The following CNTN4 variants were observed in gnomAD, a reference collection of about 807,000 sequenced individuals.
CNTN4 encodes the protein contactin-4.
Under a neutral mutation model 122.5 loss-of-function variants are expected in CNTN4, and 77 were observed. The ratio of observed to expected loss-of-function variants is 0.63; its 90% CI spans 0.52 to 0.76. The LOEUF is 0.76. CNTN4 is among the 30% of genes least tolerant of loss of function. The pLI, the probability that CNTN4 is intolerant of heterozygous loss-of-function variation, is 0.00. For synonymous variants in CNTN4, 512 were observed against 447.0 expected, an observed-to-expected ratio of 1.15 and a Z score of -1.83; for missense variants, 1,256 against 1,259.1, an observed-to-expected ratio of 1.00 and a Z score of 0.04.
intron 3 of CNTN4, among the ~76,000 whole-genome samples, chr3:2,347,077 T>TAAATA (rs2044423172): frequency 6.6e-6 from 1 of 152,226 alleles, no homozygotes; most frequent in Admixed American, 6.5e-5. Flanking sequence ...TTTTTAAATT[T>TAAATA]GTTGTTCATC....
At chr3:2,187,464 G>A (rs1246061955) in intron 2 of CNTN4, among the ~76,000 whole-genome samples, 2 of 152,186 alleles carry the variant, frequency 1.3e-5, no homozygotes, top group South Asian at 4.1e-4. Context: ...TCACCTCATA[G>A]CTCTGCTCTC....
At chr3:2,105,808 G>T (rs1366405122) in intron 2 of CNTN4, among the ~76,000 whole-genome samples, 1 of 152,088 alleles carries the variant, frequency 6.6e-6, no homozygotes, top group Non-Finnish European at 1.5e-5. Context: ...ACCCATTTTG[G>T]CATTAGCTCA....
chr3:2,615,833 C>G (rs992595789), intron 4 of CNTN4, among the ~76,000 whole-genome samples: 4 of 152,202 alleles, frequency 2.6e-5, no homozygotes, highest in African/African-American at 9.6e-5. Flanking sequence ...ACTGATACAT[C>G]TTTCCTTCTA....
intron 3 of CNTN4, among the ~76,000 whole-genome samples, chr3:2,540,868 G>A (rs1325757940): frequency 6.6e-6 from 1 of 152,130 alleles, no homozygotes; most frequent in African/African-American, 2.4e-5. Context: ...GATCAGATAG[G>A]AAGAAGGGAA....
chr3:2,426,979 T>C (rs945236918), intron 3 of CNTN4, among the ~76,000 whole-genome samples: 30 of 152,208 alleles, frequency 2.0e-4, no homozygotes, highest in Non-Finnish European at 3.4e-4. Flanking sequence ...TTATTAGTCT[T>C]GCTAGCGGTC....
At chr3:2,203,156 A>C (rs1012288472) in intron 2 of CNTN4, among the ~76,000 whole-genome samples, 4 of 152,096 alleles carry the variant, frequency 2.6e-5, no homozygotes, top group South Asian at 2.1e-4. Context: ...TAATATTAAA[A>C]TATATACATA....
intron 4 of CNTN4, among the ~76,000 whole-genome samples, chr3:2,689,966 C>T (rs1483464617): frequency 6.6e-6 from 1 of 152,082 alleles, no homozygotes; most frequent in African/African-American, 2.4e-5. Flanking sequence ...TGCCCAAAAA[C>T]TAAGATCATA....
chr3:2,667,417 T>C (rs982012753), intron 4 of CNTN4, among the ~76,000 whole-genome samples: 2 of 152,218 alleles, frequency 1.3e-5, no homozygotes, highest in African/African-American at 2.4e-5. Context: ...TCATATCCTT[T>C]GCCCACTTGT....
At chr3:2,741,643 T>C (rs2089463168) in intron 5 of CNTN4, among the ~76,000 whole-genome samples, 1 of 152,230 alleles carries the variant, frequency 6.6e-6, no homozygotes. Flanking sequence ...TAGTAAAGAA[T>C]GCAGGAAGCA....
At chr3:2,238,744 T>C (rs1489821989) in intron 2 of CNTN4, 1 of 79,548 alleles carries the variant, frequency 1.3e-5, no homozygotes, top group Middle Eastern at 7.5e-3. Context: ...TGTTTTTTTT[T>C]TGAGACGGAG....
rs9822479 is a variant in CNTN4 at position 2,518,331 on chromosome 3, T to A, written c.-88-53085T>A. Among the ~76,000 whole-genome samples, 765 of 152,142 alleles carry A rather than the reference T, an allele frequency of 5.0e-3. 8 individuals are homozygous for A. Among genetic ancestry groups the A allele is most frequent in the African/African-American group, 0.017 (721 of 41,508 alleles). ...AAATGATACGTTGATTATAATAGGA[T>A]TTTTTTTCCAAATCATTTTCGTAAT... is the stretch of plus-strand genomic sequence containing the variant. On this transcript the variant is annotated intron_variant, in intron 3 of 24. Coordinates refer to ENST00000418658, the MANE Select transcript of CNTN4 (RefSeq NM_175607.3).
intron 3 of CNTN4, among the ~76,000 whole-genome samples, chr3:2,549,309 C>G (rs2078382046): frequency 6.6e-6 from 1 of 152,084 alleles, no homozygotes; most frequent in Non-Finnish European, 1.5e-5. Context: ...CAGCTTTTGC[C>G]CATTCAGTAT....
intron 2 of CNTN4, among the ~76,000 whole-genome samples, chr3:2,148,123 C>A (rs975107446): frequency 6.6e-6 from 1 of 152,102 alleles, no homozygotes; most frequent in African/African-American, 2.4e-5. Context: ...GGGACTTTAT[C>A]GCTAATGATA....
intron 13 of CNTN4, among the ~76,000 whole-genome samples, chr3:2,931,524 G>A (rs2094520376): frequency 1.3e-5 from 2 of 152,150 alleles, no homozygotes; most frequent in South Asian, 4.1e-4. Flanking sequence ...ACTTTTCCCA[G>A]TAACATACTT....
At chr3:2,797,433 A>G (rs917543925) in intron 6 of CNTN4, among the ~76,000 whole-genome samples, 1 of 152,168 alleles carries the variant, frequency 6.6e-6, no homozygotes, top group African/African-American at 2.4e-5. Flanking sequence ...CCCTGTCTCT[A>G]CTAAAAATAC....
At chr3:2,811,833 T>G (rs2092620081) in intron 6 of CNTN4, among the ~76,000 whole-genome samples, 1 of 152,118 alleles carries the variant, frequency 6.6e-6, no homozygotes, top group Non-Finnish European at 1.5e-5. Context: ...ACCCAGCTAA[T>G]TTTTGTATTT....
chr3:2,552,960 A>C (rs2078573831), intron 3 of CNTN4, among the ~76,000 whole-genome samples: 1 of 152,150 alleles, frequency 6.6e-6, no homozygotes, highest in African/African-American at 2.4e-5. Flanking sequence ...TCACTCACTC[A>C]CTGTGTGTAC....
chr3:2,579,671 C>T (rs1251749525), intron 4 of CNTN4, among the ~76,000 whole-genome samples: 3 of 152,062 alleles, frequency 2.0e-5, no homozygotes, highest in Non-Finnish European at 4.4e-5. Context: ...GATTAATGAG[C>T]TATTATTCAT....
intron 14 of CNTN4, among the ~76,000 whole-genome samples, chr3:3,013,783 ATC>A (rs1430683470): frequency 1.3e-5 from 2 of 152,142 alleles, no homozygotes; most frequent in Non-Finnish European, 2.9e-5. Context: ...TTTCTTATGT[ATC>A]TCTCTGTGAA....
Sources: allele counts gnomAD v4.1 joint callset (sites outside exome capture counted in the v4.1 genomes callset), GRCh38; gene constraint gnomAD v4.1.1; transcripts MANE v1.5; gene names NCBI Gene and HGNC (gene_info 2026-07-23, HGNC 2026-07-21).